Variants in THSD7A observed in about 807,000 individuals in gnomAD.
THSD7A encodes the protein thrombospondin type-1 domain-containing protein 7A.
In THSD7A, 96 loss-of-function variants were observed where a neutral mutation model predicts 231.3. The ratio of observed to expected loss-of-function variants is 0.41; its 90% CI spans 0.35 to 0.49. The LOEUF is 0.49. Among genes scored for constraint, THSD7A ranks in the 20% least tolerant of loss-of-function variants. THSD7A has a pLI of 0.05. For synonymous variants in THSD7A, 940 were observed against 743.3 expected (o/e 1.26, Z -4.30); for missense variants, 2,290 against 2,070.2 (o/e 1.11, Z -2.06).
intron 1 of THSD7A, among the ~76,000 whole-genome samples, chr7:11,679,870 A>C (rs773246021): frequency 5.3e-5 from 8 of 152,154 alleles, no homozygotes. Flanking sequence ...GGAACCAAAA[A>C]AGAGCTTGCA....
intron 1 of THSD7A, among the ~76,000 whole-genome samples, chr7:11,668,565 TG>T (rs1372101355): frequency 3.3e-5 from 5 of 151,930 alleles, no homozygotes; most frequent in South Asian, 2.1e-4. Context: ...GGAAGCAGTA[TG>T]TTTTTTTAAG....
At chr7:11,581,136 C>G (rs1040414549) in intron 4 of THSD7A, among the ~76,000 whole-genome samples, 1 of 151,922 alleles carries the variant, frequency 6.6e-6, no homozygotes, top group East Asian at 1.9e-4. Context: ...CACATTTAAT[C>G]TTTGAAGCAA....
chr7:11,650,849 G>T (rs1462781001), intron 1 of THSD7A, among the ~76,000 whole-genome samples: 1 of 151,864 alleles, frequency 6.6e-6, no homozygotes, highest in Non-Finnish European at 1.5e-5. Context: ...TTCTAAAAAT[G>T]CTTTCTTCTG....
chr7:11,652,095 G>A (rs1053159742), intron 1 of THSD7A, among the ~76,000 whole-genome samples: 11 of 151,844 alleles, frequency 7.2e-5, no homozygotes, highest in African/African-American at 2.4e-4. Context: ...TGTGTCCATG[G>A]CTGTTACGTT....
At chr7:11,425,440 G>A (rs996127693) in intron 15 of THSD7A, among the ~76,000 whole-genome samples, 1 of 152,000 alleles carries the variant, frequency 6.6e-6, no homozygotes, top group Non-Finnish European at 1.5e-5. Context: ...TGGAAGCAAA[G>A]TCTGATATTG....
chr7:11,543,234 A>G, intron 4 of THSD7A, 117 bp from the exon 5 acceptor site: 2 of 795,046 alleles, frequency 2.5e-6, no homozygotes. Flanking sequence ...CTACCAAGAC[A>G]TTATTCCAAT....
At chr7:11,471,303 G>A (rs1345334859) in intron 8 of THSD7A, among the ~76,000 whole-genome samples, 2 of 151,878 alleles carry the variant, frequency 1.3e-5, no homozygotes, top group Admixed American at 1.3e-4. Context: ...GTGGGAAATA[G>A]GATTTTAAAA....
intron 6 of THSD7A, among the ~76,000 whole-genome samples, chr7:11,511,052 A>G (rs1214916940): frequency 6.6e-6 from 1 of 152,154 alleles, no homozygotes; most frequent in Non-Finnish European, 1.5e-5. Context: ...TCAGCCCAAA[A>G]TCTCCTTAAG....
intron 13 of THSD7A, among the ~76,000 whole-genome samples, chr7:11,439,648 C>A (rs1022825538): frequency 1.3e-5 from 2 of 151,908 alleles, no homozygotes; most frequent in Non-Finnish European, 2.9e-5. Flanking sequence ...GAAAGAATAC[C>A]AAACCAGTCA....
In THSD7A at chr7:11,645,256, T is replaced by A. The variant is rs1457613146; in HGVS notation, c.191-8295A>T. Among the ~76,000 whole-genome samples, 4 of 151,838 alleles carry A rather than the reference T, an allele frequency of 2.6e-5. No individual in the cohort carries two copies. In the East Asian group the frequency reaches 7.7e-4, roughly 29 times the overall value. On this transcript the variant is annotated intron_variant, in intron 1 of 27. Coordinates refer to ENST00000423059, the MANE Select transcript of THSD7A (RefSeq NM_015204.3). Reference sequence around the variant, plus strand: ...TAATTGGTTTCTATATTTTCCAGCATTCTCATGGATGTTTTTTCTCAATAT... The same window carrying A: ...TAATTGGTTTCTATATTTTCCAGCAATCTCATGGATGTTTTTTCTCAATAT...
At chr7:11,393,742 G>A (rs538245588) in intron 23 of THSD7A, among the ~76,000 whole-genome samples, 182 of 152,018 alleles carry the variant, frequency 1.2e-3, no homozygotes, top group Middle Eastern at 6.8e-3. Flanking sequence ...TAGCCAAATC[G>A]ATAAAGCAGA....
At chr7:11,801,299 C>T (rs1784268879) in intron 1 of THSD7A, among the ~76,000 whole-genome samples, 1 of 152,096 alleles carries the variant, frequency 6.6e-6, no homozygotes, top group South Asian at 2.1e-4. Flanking sequence ...TTCCTTTCTT[C>T]CTGTCTTTCT....
At chr7:11,575,707 C>G (rs902101408) in intron 4 of THSD7A, among the ~76,000 whole-genome samples, 19 of 152,140 alleles carry the variant, frequency 1.2e-4, no homozygotes, top group African/African-American at 4.8e-5. Context: ...CGAAGTCTAT[C>G]CTTGGGTTAT....
chr7:11,454,306 T>G (rs899507279), intron 11 of THSD7A, among the ~76,000 whole-genome samples: 2 of 151,898 alleles, frequency 1.3e-5, no homozygotes, highest in Non-Finnish European at 2.9e-5. Context: ...CTTATGCCAT[T>G]ATACAAAATT....
intron 1 of THSD7A, among the ~76,000 whole-genome samples, chr7:11,646,292 C>T (rs2128366059): frequency 6.6e-6 from 1 of 152,062 alleles, no homozygotes; most frequent in Admixed American, 6.6e-5. Flanking sequence ...AAACAGAAAG[C>T]AAACTTGAGA....
intron 1 of THSD7A, among the ~76,000 whole-genome samples, chr7:11,784,384 TC>T (rs1256717326): frequency 2.6e-5 from 4 of 151,902 alleles, no homozygotes; most frequent in Admixed American, 2.0e-4. Context: ...AATTTTTTTT[TC>T]AAATATTGCC....
Position 11,654,948 on chromosome 7 carries a change from A to C in THSD7A, c.191-17987T>G, listed in dbSNP as rs1404747210. ...AAAGCTGACAGTTGCATATTGAAGG[A>C]AATTGTAAAATTTAAACCTGAAGGA... On this transcript the variant is annotated intron_variant, in intron 1 of 27. Coordinates refer to ENST00000423059, the MANE Select transcript of THSD7A (RefSeq NM_015204.3). 2.0e-5 allele frequency among the ~76,000 whole-genome samples: 3 copies of C among 152,052 alleles called. No homozygotes were observed. The South Asian group carries it at 6.2e-4, about 32-fold the overall frequency.
chr7:11,424,915 A>C, intron 15 of THSD7A, 86 bp from the exon 16 acceptor site: 3 of 1,511,234 alleles, frequency 2.0e-6, no homozygotes, highest in Non-Finnish European at 1.8e-6. Flanking sequence ...CAATCATTTC[A>C]CTGTGAAGCT....
intron 11 of THSD7A, among the ~76,000 whole-genome samples, chr7:11,458,192 CA>C (rs1489688616): frequency 6.6e-6 from 1 of 152,014 alleles, no homozygotes; most frequent in Non-Finnish European, 1.5e-5. Flanking sequence ...AGCACAAGTT[CA>C]TTTTTTTATT....
Sources: gnomAD v4.1 joint callset for allele counts (sites outside exome capture counted in the v4.1 genomes callset) on GRCh38, gnomAD v4.1.1 for gene constraint, MANE v1.5 for transcripts, NCBI Gene and HGNC (gene_info 2026-07-23, HGNC 2026-07-21) for gene names.